The following SCN8A variants were observed in gnomAD, a reference collection of about 807,000 sequenced individuals.
The protein encoded by SCN8A is sodium voltage-gated channel alpha subunit 8.
SCN8A carries 30 observed loss-of-function variants against 184.1 expected under a neutral mutation model. That is an observed-to-expected ratio of 0.16 (90% confidence interval 0.12 to 0.22). The LOEUF (loss-of-function observed/expected upper bound fraction) is 0.22. SCN8A is among the 10% of genes least tolerant of loss of function. SCN8A has a pLI of 1.00. For synonymous variants in SCN8A, 852 were observed against 907.0 expected (o/e 0.94, Z 1.09); for missense variants, 1,057 against 2,498.9 (o/e 0.42, Z 12.30).
intron 2 of SCN8A, among the ~76,000 whole-genome samples, chr12:51,670,661 T>C (rs2138684558): frequency 6.6e-6 from 1 of 152,064 alleles, no homozygotes; most frequent in South Asian, 2.1e-4. Flanking sequence ...GGGACGACAA[T>C]ATGTAAGCTG....
intron 1 of SCN8A, among the ~76,000 whole-genome samples, chr12:51,654,032 A>C (rs1447494396): frequency 6.6e-6 from 1 of 152,110 alleles, no homozygotes; most frequent in African/African-American, 2.4e-5. Flanking sequence ...TCTTTTGTCT[A>C]TTTTTAACTG....
chr12:51,761,764 C>T (rs1942765873), intron 14 of SCN8A, among the ~76,000 whole-genome samples: 1 of 152,022 alleles, frequency 6.6e-6, no homozygotes, highest in East Asian at 1.9e-4. Flanking sequence ...TTTGGGATTA[C>T]AGGAGTGAGC....
chr12:51,603,744 T>A (rs896823193), intron 1 of SCN8A, among the ~76,000 whole-genome samples: 3 of 152,130 alleles, frequency 2.0e-5, no homozygotes, highest in Non-Finnish European at 2.9e-5. Context: ...TTTTTTTTTT[T>A]ATCTTAGCCA....
intron 11 of SCN8A, among the ~76,000 whole-genome samples, chr12:51,709,098 T>C (rs1016374459): frequency 3.3e-5 from 5 of 152,148 alleles, no homozygotes; most frequent in African/African-American, 9.7e-5. Flanking sequence ...GCTTAAAGGA[T>C]AGACAGGAAT....
chr12:51,668,393 G>T (rs1057071089), intron 2 of SCN8A, among the ~76,000 whole-genome samples: 4 of 152,164 alleles, frequency 2.6e-5, no homozygotes, highest in Middle Eastern at 6.8e-3. Context: ...CACTGTTGGT[G>T]GTATAACCAG....
At chr12:51,732,001 T>A (rs1260401088) in intron 12 of SCN8A, among the ~76,000 whole-genome samples, 2 of 152,230 alleles carry the variant, frequency 1.3e-5, no homozygotes, top group Non-Finnish European at 2.9e-5. Context: ...TTTCAGATAT[T>A]TTCTCCTATT....
chr12:51,709,062 TG>T (rs1165650796), intron 11 of SCN8A, among the ~76,000 whole-genome samples: 3 of 152,204 alleles, frequency 2.0e-5, no homozygotes, highest in South Asian at 2.1e-4. Flanking sequence ...AAAGATTTTC[TG>T]GGAAAGGTAA....
At chr12:51,704,105 A>G (rs1182154809) in intron 9 of SCN8A, among the ~76,000 whole-genome samples, 1 of 151,634 alleles carries the variant, frequency 6.6e-6, no homozygotes, top group African/African-American at 2.4e-5. Flanking sequence ...TTGGTTGGCC[A>G]GGCTCGTCTT....
At chr12:51,780,855 T>A in intron 21 of SCN8A, 84 bp downstream of exon 21, 1 of 1,360,308 alleles carries the variant, frequency 7.4e-7, no homozygotes, top group Non-Finnish European at 9.5e-7. Context: ...GGTGGAAAGA[T>A]CATTCAAACA....
intron 1 of SCN8A, among the ~76,000 whole-genome samples, chr12:51,630,023 A>T (rs1314419990): frequency 6.6e-6 from 1 of 151,936 alleles, no homozygotes; most frequent in Non-Finnish European, 1.5e-5. Flanking sequence ...CTTGAATTTT[A>T]TCTCCTCCAT....
rs1337883450 is a variant in SCN8A, at chr12:51,702,163, A to AATACAAAAATTAGCCAGACG, written c.993-609_993-590dup. ...ACAGTGAAACCCCGTCTCTACTAAA[A>AATACAAAAATTAGCCAGACG]ATACAAAAATTAGCCAGACGTGGTG... On this transcript the variant is annotated intron_variant, in intron 8 of 26. Transcript: ENST00000627620. Among the ~76,000 whole-genome samples, 3 of 151,944 alleles carry AATACAAAAATTAGCCAGACG rather than the reference A, an allele frequency of 2.0e-5. No homozygotes were observed. In the East Asian group the frequency reaches 5.8e-4, roughly 29 times the overall value.
chr12:51,686,992 T>C, intron 4 of SCN8A, 99 bp from the exon 5 acceptor site: 2 of 1,263,304 alleles, frequency 1.6e-6, no homozygotes, highest in South Asian at 2.5e-5. Flanking sequence ...CTGTTTTGTC[T>C]CTCTTAGTTG....
chr12:51,731,043 C>A (rs1363904383), intron 12 of SCN8A, among the ~76,000 whole-genome samples: 1 of 152,154 alleles, frequency 6.6e-6, no homozygotes, highest in Non-Finnish European at 1.5e-5. Context: ...ATGACAGGAT[C>A]TCAGTCTTTT....
intron 19 of SCN8A, among the ~76,000 whole-genome samples, chr12:51,772,273 T>G (rs914679967): frequency 5.9e-5 from 9 of 151,882 alleles, no homozygotes; most frequent in African/African-American, 2.2e-4. Context: ...TGCATGCCTG[T>G]AATCCCAGCT....
intron 21 of SCN8A, among the ~76,000 whole-genome samples, chr12:51,783,780 AT>A (rs1359668833): frequency 1.3e-5 from 2 of 152,226 alleles, no homozygotes; most frequent in African/African-American, 4.8e-5. Flanking sequence ...ATTTTATAGT[AT>A]TTATTGAGCA....
Position 51,662,847 on chromosome 12 carries a change from C to G in SCN8A, c.30C>G (p.Gly10=), listed in dbSNP as rs1256810700. The G allele has an allele frequency of 6.2e-7, 1 of 1,614,008 alleles. No individual in the cohort carries two copies. The highest frequency in any genetic ancestry group is 2.2e-5 in the East Asian group (1 of 44,880). Residue 10 remains glycine (G), a synonymous_variant, in exon 2 of 27, where the codon GGC becomes GGG. Coordinates refer to ENST00000627620, the MANE Select transcript of SCN8A (RefSeq NM_001330260.2). The part of the protein sequence containing the change: MAARLLAPP[G]PDSFKPFTPE... ...CAGCGCGGCTGCTTGCACCACCAGG[C>G]CCTGATAGTTTCAAGCCTTTCACCC...
chr12:51,783,333 T>G (rs1401198708), intron 21 of SCN8A, among the ~76,000 whole-genome samples: 1 of 152,210 alleles, frequency 6.6e-6, no homozygotes, highest in Non-Finnish European at 1.5e-5. Flanking sequence ...TTGGTTTTGG[T>G]TCTTCTATAT....
chr12:51,683,336 G>A (rs886721557), intron 2 of SCN8A, among the ~76,000 whole-genome samples: 3 of 152,172 alleles, frequency 2.0e-5, no homozygotes, highest in Admixed American at 6.5e-5. Context: ...AAAGGCCAAC[G>A]TTATGAATTA....
chr12:51,609,459 A>G (rs993283867), intron 1 of SCN8A, among the ~76,000 whole-genome samples: 1 of 152,086 alleles, frequency 6.6e-6, no homozygotes, highest in Non-Finnish European at 1.5e-5. Flanking sequence ...TAAATTTGGG[A>G]GCTCCAGTGT....
Sources: gnomAD v4.1 joint callset for allele counts (sites outside exome capture counted in the v4.1 genomes callset) on GRCh38, gnomAD v4.1.1 for gene constraint, MANE v1.5 for transcripts, NCBI Gene and HGNC (gene_info 2026-07-23, HGNC 2026-07-21) for gene names.